The following CCDC3 variants were observed in gnomAD, a reference collection of about 807,000 sequenced individuals.
The protein encoded by CCDC3 is coiled-coil domain-containing protein 3.
Under a neutral mutation model 21.4 loss-of-function variants are expected in CCDC3, and 24 were observed. The ratio of observed to expected loss-of-function variants is 1.12; its 90% confidence interval spans 0.81 to 1.58. The LOEUF is 1.58. CCDC3 is among the 40% of genes most tolerant of loss of function. The probability of loss-of-function intolerance (pLI) is 0.00; values close to 1 mark genes in which losing one functional copy is unlikely to be tolerated. For missense variants in CCDC3, 425 were observed against 360.9 expected (o/e 1.18, Z -1.44); for synonymous variants, 186 against 166.0 (o/e 1.12, Z -0.93).
chr10:13,014,742 A>T lies in CCDC3; in HGVS notation c.-1-16230T>A, dbSNP rs547450684. ...TGCAACTTTTTTTAAGTTTGAGGATATTTCAAAATAAAAGTGAGAAGAAAA... is the reference window on the plus strand; with the variant it reads ...TGCAACTTTTTTTAAGTTTGAGGATTTTTCAAAATAAAAGTGAGAAGAAAA... On this transcript the variant is annotated intron_variant, in intron 5 of 6. Coordinates refer to the CCDC3 transcript ENST00000378839. Among the ~76,000 whole-genome samples the T allele has an allele frequency of 2.0e-5, 3 of 152,228 alleles. No individual in the cohort carries two copies. The South Asian group carries it at 6.2e-4, about 32-fold the overall frequency.
At chr10:13,001,096 G>T in intron 1 of CCDC3, 101 bp downstream of exon 1, 3 of 1,428,332 alleles carry the variant, frequency 2.1e-6, no homozygotes, top group Non-Finnish European at 2.8e-6. Context: ...ACTTGACACC[G>T]ACAGGCTGCC....
At chr10:13,035,646 G>A (rs930654254) in intron 5 of CCDC3, among the ~76,000 whole-genome samples, 6 of 152,206 alleles carry the variant, frequency 3.9e-5, no homozygotes, top group South Asian at 2.1e-4. Context: ...ATATCATCCC[G>A]AGGCATGTTT....
rs1295069804 is a variant in CCDC3 at position 12,912,535 on chromosome 10, T to C, written c.550-13856A>G. Among the ~76,000 whole-genome samples the C allele has an allele frequency of 3.3e-5, 5 of 152,208 alleles. No homozygotes were observed. The East Asian group carries it at 9.6e-4, about 29-fold the overall frequency. ...TTAACCCCTTATCAGATGTGTGGTG[T>C]GTAAATATTTTCTTCCATTTCGTAG... On this transcript the variant is annotated intron_variant, in intron 2 of 2. Transcript: ENST00000378825.
intron 1 of CCDC3, among the ~76,000 whole-genome samples, chr10:13,000,446 T>C (rs1835829221): frequency 6.6e-6 from 1 of 152,118 alleles, no homozygotes. Flanking sequence ...TCCAGTGGTC[T>C]ATAATCAAAG....
chr10:12,926,915 A>C (rs1336904918), intron 2 of CCDC3, among the ~76,000 whole-genome samples: 1 of 152,210 alleles, frequency 6.6e-6, no homozygotes, highest in Non-Finnish European at 1.5e-5. Context: ...CAAAAAATAC[A>C]TAAACTCAGA....
intron 2 of CCDC3, among the ~76,000 whole-genome samples, chr10:12,958,510 C>A (rs927490552): frequency 6.6e-6 from 1 of 152,204 alleles, no homozygotes; most frequent in Admixed American, 6.5e-5. Flanking sequence ...CTCCCTGATT[C>A]ACCCCATAGG....
chr10:12,975,104 TA>T (rs1474118681), intron 2 of CCDC3, among the ~76,000 whole-genome samples: 1 of 152,166 alleles, frequency 6.6e-6, no homozygotes, highest in Non-Finnish European at 1.5e-5. Context: ...CTCTAGTCAC[TA>T]GGTAGGGTTT....
At chr10:13,084,350 A>G (rs1208299765) in intron 3 of CCDC3, among the ~76,000 whole-genome samples, 1 of 149,710 alleles carries the variant, frequency 6.7e-6, no homozygotes, top group Non-Finnish European at 1.5e-5. Context: ...CAATGGCACA[A>G]TCTCTGCTCA....
At chr10:12,903,780 G>T (rs1377088939) in intron 2 of CCDC3, among the ~76,000 whole-genome samples, 1 of 152,210 alleles carries the variant, frequency 6.6e-6, no homozygotes, top group African/African-American at 2.4e-5. Flanking sequence ...CAAAAGTTAG[G>T]CTGGGATATC....
intron 2 of CCDC3, among the ~76,000 whole-genome samples, chr10:12,997,504 C>T (rs544785413): frequency 6.6e-6 from 1 of 152,326 alleles, no homozygotes; most frequent in South Asian, 2.1e-4. Context: ...TTTATATTTT[C>T]ATTCCCAACC....
At chr10:13,038,138 A>G (rs2131416137) in intron 5 of CCDC3, among the ~76,000 whole-genome samples, 2 of 152,298 alleles carry the variant, frequency 1.3e-5, no homozygotes, top group South Asian at 4.2e-4. Flanking sequence ...ATTCTCACTT[A>G]TAAATAGAGC....
At chr10:12,993,724 C>T (rs565302786) in intron 2 of CCDC3, among the ~76,000 whole-genome samples, 1 of 152,288 alleles carries the variant, frequency 6.6e-6, no homozygotes, top group East Asian at 1.9e-4. Context: ...AACACCATGA[C>T]ACCGAACCAG....
At chr10:13,061,969 C>T (rs965745488) in intron 4 of CCDC3, among the ~76,000 whole-genome samples, 2 of 150,390 alleles carry the variant, frequency 1.3e-5, no homozygotes, top group Non-Finnish European at 3.0e-5. Context: ...TAAATTTCCC[C>T]CCCACCACCC....
At chr10:13,040,720 CACACACAA>C (rs1478323937) in intron 5 of CCDC3, among the ~76,000 whole-genome samples, 2 of 151,374 alleles carry the variant, frequency 1.3e-5, no homozygotes, top group Non-Finnish European at 2.9e-5. Context: ...CACACACACA[CACACACAA>C]AGTAAACAGC....
intron 2 of CCDC3, among the ~76,000 whole-genome samples, chr10:12,966,303 G>A (rs1298496547): frequency 1.8e-5 from 2 of 108,802 alleles, no homozygotes; most frequent in Non-Finnish European, 4.2e-5. Context: ...ACTAGAAACT[G>A]AGGGGCTGTG....
intron 5 of CCDC3, among the ~76,000 whole-genome samples, chr10:13,008,901 C>T (rs7895277): frequency 0.28 from 42,599 of 151,996 alleles, 6,740 homozygotes; most frequent in Non-Finnish European, 0.36. Flanking sequence ...AGTTTCATCA[C>T]GTCTACTCAA....
chr10:13,055,866 T>C (rs1168081977), intron 4 of CCDC3, among the ~76,000 whole-genome samples: 1 of 152,252 alleles, frequency 6.6e-6, no homozygotes, highest in Non-Finnish European at 1.5e-5. Context: ...CCTTTGAGTC[T>C]GCAGATCAAG....
chr10:13,042,915 AAAAAAAAAAAAAG>A (rs1230316596), intron 5 of CCDC3, among the ~76,000 whole-genome samples: 1 of 149,902 alleles, frequency 6.7e-6, no homozygotes, highest in Non-Finnish European at 1.5e-5. Context: ...TCAAAAAAAA[AAAAAAAAAAAAAG>A]AAAAGAAAAA....
intron 4 of CCDC3, among the ~76,000 whole-genome samples, chr10:13,069,030 C>T (rs11528721): frequency 0.019 from 2,815 of 152,094 alleles, 58 homozygotes; most frequent in South Asian, 0.088. Context: ...CCAAGGCAGG[C>T]GGATCACCTG....
Sources: allele counts gnomAD v4.1 joint callset (sites outside exome capture counted in the v4.1 genomes callset), GRCh38; gene constraint gnomAD v4.1.1; transcripts MANE v1.5; gene names NCBI Gene and HGNC (gene_info 2026-07-23, HGNC 2026-07-21).